RASGEF1C: variants seen among roughly 807,000 people sequenced by gnomAD.
The protein encoded by RASGEF1C is RasGEF domain family member 1C, also known as ras-GEF domain-containing family member 1C.
A neutral mutation model predicts 58.1 loss-of-function variants in RASGEF1C; 27 were observed. That is an observed-to-expected ratio of 0.46 (90% CI 0.34 to 0.64). The LOEUF is 0.64. Ranked by LOEUF, RASGEF1C falls within the 30% of genes least tolerant of loss-of-function variation. The pLI is 0.01. For missense variants in RASGEF1C, 502 were observed against 605.1 expected (o/e 0.83, Z 1.79); for synonymous variants, 243 against 246.3 (o/e 0.99, Z 0.13).
chr5:180,169,697 C>T (rs544316871), intron 1 of RASGEF1C, among the ~76,000 whole-genome samples: 1 of 152,030 alleles, frequency 6.6e-6, no homozygotes, highest in Admixed American at 6.6e-5. Flanking sequence ...CCCAGCACAG[C>T]GTGGGGACTT....
intron 12 of RASGEF1C, among the ~76,000 whole-genome samples, chr5:180,108,204 C>CTTT (rs34249635): frequency 1.6e-5 from 2 of 124,978 alleles, no homozygotes; most frequent in Non-Finnish European, 3.2e-5. Context: ...TTCTTTCTTT[C>CTTT]TTTTTTTTTT....
chr5:180,166,818 G>A (rs941077069), intron 1 of RASGEF1C, among the ~76,000 whole-genome samples: 3 of 151,996 alleles, frequency 2.0e-5, no homozygotes, highest in East Asian at 3.9e-4. Context: ...ACCCAGCCCC[G>A]AAGAATATTT....
At chr5:180,187,665 A>C (rs4700721) in intron 1 of RASGEF1C, among the ~76,000 whole-genome samples, 126,166 of 151,826 alleles carry the variant, frequency 0.83, 52,577 homozygotes, top group Admixed American at 0.88. Flanking sequence ...CAAATAACCC[A>C]ATTTTTTAAG....
chr5:180,135,949 G>A (rs1358598405), intron 4 of RASGEF1C, among the ~76,000 whole-genome samples: 1 of 152,198 alleles, frequency 6.6e-6, no homozygotes, highest in Non-Finnish European at 1.5e-5. Flanking sequence ...ACTCTTCCCT[G>A]GCCCTGATTT....
intron 12 of RASGEF1C, among the ~76,000 whole-genome samples, chr5:180,103,058 C>CT: frequency 6.6e-6 from 1 of 152,150 alleles, no homozygotes; most frequent in South Asian, 2.1e-4. Flanking sequence ...TTATCTACAT[C>CT]TTTCTTGATT....
chr5:180,118,878 A>T lies in RASGEF1C; in HGVS notation c.908-12T>A. 1 of 1,613,802 alleles carries T rather than the reference A, an allele frequency of 6.2e-7. No homozygotes were observed. The highest frequency in any genetic ancestry group is 8.5e-7 in the Non-Finnish European group (1 of 1,179,808). ...CATGTTCATGCCGGCTGGAAGAGGGAGGAGGGTTGGAGAGGGCTGCTCCTG... is the reference window on the plus strand; with the variant it reads ...CATGTTCATGCCGGCTGGAAGAGGGTGGAGGGTTGGAGAGGGCTGCTCCTG... On this transcript the variant is annotated splice_polypyrimidine_tract_variant and intron_variant, in intron 8 of 13. Transcript: ENST00000361132.
intron 12 of RASGEF1C, among the ~76,000 whole-genome samples, chr5:180,106,064 G>C (rs929024429): frequency 1.7e-4 from 26 of 152,172 alleles, no homozygotes; most frequent in African/African-American, 6.0e-4. Flanking sequence ...ACTCAGAATG[G>C]TGCACAATTC....
intron 1 of RASGEF1C, among the ~76,000 whole-genome samples, chr5:180,142,903 G>A (rs1230647647): frequency 1.3e-5 from 2 of 152,098 alleles, no homozygotes; most frequent in Non-Finnish European, 2.9e-5. Flanking sequence ...ACGTGCCCCC[G>A]CTGTGGCAAG....
In RASGEF1C at chr5:180,176,590, T is replaced by C. The variant is rs181629134; in HGVS notation, c.-7+32438A>G. On this transcript the variant is annotated intron_variant, in intron 1 of 13. Coordinates refer to ENST00000361132, the MANE Select transcript of RASGEF1C (RefSeq NM_175062.4). ...TTTTTTTTTTGAGATGGAGTCTTGC[T>C]CTGTCGCCCAGGCTGGAGTGCAGTG... 1.1e-3 allele frequency among the ~76,000 whole-genome samples: 167 copies of C among 149,854 alleles called. 3 individuals carry two copies. In the East Asian group the frequency reaches 0.029, roughly 26 times the overall value.
At chr5:180,173,174 G>A (rs1433064335) in intron 1 of RASGEF1C, among the ~76,000 whole-genome samples, 1 of 152,334 alleles carries the variant, frequency 6.6e-6, no homozygotes, top group African/African-American at 2.4e-5. Flanking sequence ...TACACACTGG[G>A]GCCTTTCAGG....
intron 4 of RASGEF1C, among the ~76,000 whole-genome samples, chr5:180,129,179 C>T (rs568274340): frequency 6.6e-6 from 1 of 152,324 alleles, no homozygotes; most frequent in African/African-American, 2.4e-5. Context: ...GCCCCACTCC[C>T]CATCTTCCCA....
intron 12 of RASGEF1C, among the ~76,000 whole-genome samples, chr5:180,109,917 A>G (rs564983497): frequency 1.3e-5 from 2 of 150,120 alleles, no homozygotes; most frequent in Admixed American, 6.6e-5. Flanking sequence ...AACTCATTTC[A>G]GCCCTCTGCT....
intron 1 of RASGEF1C, among the ~76,000 whole-genome samples, chr5:180,181,570 G>A (rs752830721): frequency 6.6e-6 from 1 of 152,178 alleles, no homozygotes; most frequent in African/African-American, 2.4e-5. Flanking sequence ...TGACACTGAG[G>A]GCAGAGACTG....
chr5:180,103,285 G>GA (rs1765825377), intron 12 of RASGEF1C, among the ~76,000 whole-genome samples: 2 of 152,250 alleles, frequency 1.3e-5, no homozygotes, highest in Middle Eastern at 3.4e-3. Context: ...CACCGTGTTA[G>GA]CCAGGATGGT....
chr5:180,205,398 A>G (rs1454800033), intron 1 of RASGEF1C, among the ~76,000 whole-genome samples: 1 of 152,202 alleles, frequency 6.6e-6, no homozygotes, highest in African/African-American at 2.4e-5. Flanking sequence ...AAAAACATAT[A>G]TGAGGAAAAT....
chr5:180,109,413 G>C (rs1765924495), intron 12 of RASGEF1C, among the ~76,000 whole-genome samples: 1 of 152,252 alleles, frequency 6.6e-6, no homozygotes, highest in Non-Finnish European at 1.5e-5. Flanking sequence ...AGCCGAGATT[G>C]CGCCACTGCA....
At chr5:180,133,364 A>G (rs1226565924) in intron 4 of RASGEF1C, among the ~76,000 whole-genome samples, 2 of 152,026 alleles carry the variant, frequency 1.3e-5, no homozygotes, top group Non-Finnish European at 2.9e-5. Context: ...GGAAGGTGCC[A>G]CCTTTCACTG....
intron 1 of RASGEF1C, among the ~76,000 whole-genome samples, chr5:180,152,540 ACAT>A (rs1426414781): frequency 7.8e-6 from 1 of 127,742 alleles, no homozygotes; most frequent in Non-Finnish European, 1.6e-5. Context: ...AGGAAGGGGA[ACAT>A]CACACACCGG....
chr5:180,115,129 T>G (rs924807294), intron 10 of RASGEF1C: 3 of 294,624 alleles, frequency 1.0e-5, no homozygotes, highest in Middle Eastern at 1.3e-3. Flanking sequence ...ATTCTCCTGC[T>G]TCAGCCTCCC....
Sources: allele counts gnomAD v4.1 joint callset (sites outside exome capture counted in the v4.1 genomes callset), GRCh38; gene constraint gnomAD v4.1.1; transcripts MANE v1.5; gene names NCBI Gene and HGNC (gene_info 2026-07-23, HGNC 2026-07-21).